BMI1: variants seen among roughly 807,000 people sequenced by gnomAD.
The protein encoded by BMI1 is polycomb complex protein BMI-1.
BMI1 carries 9 observed loss-of-function variants against 39.1 expected under a neutral mutation model. The ratio of observed to expected loss-of-function variants is 0.23; its 90% CI spans 0.14 to 0.40. The LOEUF is 0.40. BMI1 is among the 10% of genes least tolerant of loss of function. The pLI, the probability that BMI1 is intolerant of heterozygous loss-of-function variation, is 1.00. For missense variants in BMI1, 252 were observed against 390.8 expected, an observed-to-expected ratio of 0.64 and a Z score of 2.99; for synonymous variants, 131 against 127.9, an observed-to-expected ratio of 1.02 and a Z score of -0.16.
rs1452619506 is a variant in BMI1, at chr10:22,327,013, T to G, written c.209+27T>G. The G allele has an allele frequency of 1.9e-6, 3 of 1,606,060 alleles. No homozygotes were observed. The East Asian group carries it at 6.7e-5, about 36-fold the overall frequency. On this transcript the variant is annotated intron_variant, in intron 3 of 9. Transcript: ENST00000376663. ...TAGGAAACTGTTGAAATTCCTTGTT[T>G]GTAATTATTATTGGAGTTGTATAAT...
rs772060983 is a variant in BMI1, at chr10:22,326,919, G to A, written c.142G>A (p.Glu48Lys). 6.2e-7 allele frequency: 1 copy of A among 1,614,012 alleles called. No homozygotes were observed. The highest frequency in any genetic ancestry group is 8.5e-7 in the Non-Finnish European group (1 of 1,179,950). ...FCKTCIVRYLETSKYCPICDV... is the reference protein window; with the variant it reads ...FCKTCIVRYLKTSKYCPICDV... ...TAAAACGTGTATTGTTCGTTACCTG[G>A]AGACCAGCAAGTATTGTCCTATTTG... Residue 48 changes from glutamate (E) to lysine (K), a missense_variant, in exon 3 of 10, where the codon GAG becomes AAG. By Grantham distance (56) the Glu-to-Lys change is moderately conservative. Transcript: ENST00000376663.
chr10:22,329,203 A>G lies in BMI1; in HGVS notation c.652-10A>G, dbSNP rs1406917165. The G allele has an allele frequency of 6.2e-7, 1 of 1,610,212 alleles. No homozygotes were observed. The stretch of plus-strand genomic sequence containing the variant: ...AATTAAGAGTAATTTTTTTCCTTTT[A>G]ACTTTGTAGAATGGTCCACTTCCAT... On this transcript the variant is annotated splice_polypyrimidine_tract_variant and intron_variant, in intron 9 of 9. Transcript: ENST00000376663.
chr10:22,321,951 G>C (rs1260967210), intron 1 of BMI1, among the ~76,000 whole-genome samples: 1 of 144,838 alleles, frequency 6.9e-6, no homozygotes, highest in Non-Finnish European at 1.5e-5. Flanking sequence ...CGCCGGGACC[G>C]ACCCGCAGCC....
At chr10:22,326,173 C>T (rs1017777086) in intron 1 of BMI1, 3 of 379,532 alleles carry the variant, frequency 7.9e-6, no homozygotes, top group Non-Finnish European at 1.4e-5. Flanking sequence ...CGCTCAGCTC[C>T]CAGCCCCCAC....
chr10:22,327,840 A>G (rs1836193784), intron 5 of BMI1, 48 bp downstream of exon 5: 1 of 1,608,870 alleles, frequency 6.2e-7, no homozygotes. Flanking sequence ...GGGAGAGCTT[A>G]TCTAGGAATT....
In BMI1 at chr10:22,329,355, T is replaced by C; in HGVS notation, c.794T>C (p.Ile265Thr). The change falls in exon 10 of 10, where the codon ATT (isoleucine) becomes ACT (threonine). Residue 265 changes from isoleucine to threonine, a missense_variant. Coordinates refer to ENST00000376663, the MANE Select transcript of BMI1 (RefSeq NM_005180.9). ...AAGGCCAACAGCCCAGCAGGAGGTATTCCCTCCACCTCTTCTTGTTTGCCT... is the reference window on the plus strand; with the variant it reads ...AAGGCCAACAGCCCAGCAGGAGGTACTCCCTCCACCTCTTCTTGTTTGCCT... Reference protein sequence around the residue: ...SDKANSPAGGIPSTSSCLPSP... With the variant: ...SDKANSPAGGTPSTSSCLPSP... The C allele has an allele frequency of 1.2e-6, 2 of 1,614,118 alleles. No homozygotes were observed. The highest frequency in any genetic ancestry group is 1.7e-6 in the Non-Finnish European group (2 of 1,180,012).
intron 1 of BMI1, among the ~76,000 whole-genome samples, chr10:22,323,089 T>C (rs994381293): frequency 6.6e-6 from 1 of 152,224 alleles, no homozygotes; most frequent in Admixed American, 6.5e-5. Flanking sequence ...TCAACCTATA[T>C]TTTATAGGAA....
At chr10:22,328,784 A>G in intron 8 of BMI1, 86 bp downstream of exon 8, 2 of 1,372,722 alleles carry the variant, frequency 1.5e-6, no homozygotes, top group South Asian at 3.0e-5. Flanking sequence ...AACCCAAAAA[A>G]GCAATAGAAA....
In BMI1 at chr10:22,328,597, T is replaced by C. The variant is rs1211099046; in HGVS notation, c.472-3T>C. The stretch of plus-strand genomic sequence containing the variant: ...AAAGTTACTTTTCTAAATGTACTTT[T>C]AGGTGAATGATAAAAGATACTTACG... On this transcript the variant is annotated splice_polypyrimidine_tract_variant and splice_region_variant and intron_variant, in intron 7 of 9. Coordinates refer to ENST00000376663, the MANE Select transcript of BMI1 (RefSeq NM_005180.9). 1.3e-6 allele frequency: 2 copies of C among 1,589,302 alleles called. No individual in the cohort carries two copies. Among genetic ancestry groups the C allele is most frequent in the African/African-American group, 2.7e-5 (2 of 73,442 alleles).
In BMI1 at chr10:22,330,753, G is replaced by C. The variant is rs1836265738; in HGVS notation, c.*1211G>C. Reference sequence around the variant, plus strand: ...GCTTTTACAGTTAACAATGGAATATGCCTTCTCTGCTATGTCTGAAAATAG... The same window carrying C: ...GCTTTTACAGTTAACAATGGAATATCCCTTCTCTGCTATGTCTGAAAATAG... On this transcript the variant is annotated 3_prime_UTR_variant, in exon 10 of 10. Coordinates refer to ENST00000376663, the MANE Select transcript of BMI1 (RefSeq NM_005180.9). 6.6e-6 allele frequency: 1 copy of C among 152,508 alleles called. No individual in the cohort carries two copies. Among genetic ancestry groups the C allele is most frequent in the Non-Finnish European group, 1.5e-5 (1 of 67,994 alleles). The allele number at this position is 152,508 out of a possible 1,614,324, so 9.4% of individuals were successfully genotyped here. A position where few individuals can be genotyped will look rare whatever the true frequency, so the allele number is the denominator to read the frequency against.
chr10:22,328,071 G>A lies in BMI1; in HGVS notation c.425+13G>A, dbSNP rs374753106. 6.3e-7 allele frequency: 1 copy of A among 1,595,634 alleles called. No individual in the cohort carries two copies. Among genetic ancestry groups the A allele is most frequent in the Non-Finnish European group, 8.5e-7 (1 of 1,174,848 alleles). ...TTGACCAGAACAGGTAAAATCTTTA[G>A]GCAATTTATTTTATGCTAATGTTTT... On this transcript the variant is annotated intron_variant, in intron 6 of 9. Transcript: ENST00000376663.
In BMI1 at chr10:22,327,021, T is replaced by G. The variant is rs374783066; in HGVS notation, c.209+35T>G. 7 of 1,603,724 alleles carry G rather than the reference T, an allele frequency of 4.4e-6. No individual in the cohort carries two copies. In the South Asian group the frequency reaches 7.8e-5, roughly 18 times the overall value. On this transcript the variant is annotated intron_variant, in intron 3 of 9. Transcript: ENST00000376663. ...TGTTGAAATTCCTTGTTTGTAATTA[T>G]TATTGGAGTTGTATAATTTACTGAA...
intron 3 of BMI1, 136 bp from the exon 4 acceptor site, chr10:22,327,457 TTA>T (rs1291129089): frequency 5.7e-6 from 5 of 881,270 alleles, no homozygotes; most frequent in Non-Finnish European, 8.3e-6. Flanking sequence ...CTCATAGTTT[TTA>T]TCTTATCAAT....
rs1456471046 is a variant in BMI1 at position 22,330,225 on chromosome 10, G to T, written c.*683G>T. The stretch of plus-strand genomic sequence containing the variant: ...AGAATCAGATGGCATTATGCTTGTT[G>T]TACAATGCCATATTGGTATATGACA... On this transcript the variant is annotated 3_prime_UTR_variant, in exon 10 of 10. Transcript: ENST00000376663. The T allele has an allele frequency of 2.0e-5, 3 of 152,610 alleles. No individual in the cohort carries two copies. The highest frequency in any genetic ancestry group is 7.2e-5 in the African/African-American group (3 of 41,424). The allele number at this position is 152,610 out of a possible 1,614,324, so 9.5% of individuals were successfully genotyped here.
In BMI1 at chr10:22,330,671, A is replaced by AT. The variant is rs1836264021; in HGVS notation, c.*1133dup. On this transcript the variant is annotated 3_prime_UTR_variant, in exon 10 of 10. Transcript: ENST00000376663. ...AACCAGCAGGTTGCTAAAAGAAGGC[A>AT]TTTTATCTAAAGTTATTTTAATAGG... 1 of 152,298 alleles carries AT rather than the reference A, an allele frequency of 6.6e-6. No homozygotes were observed. Among genetic ancestry groups the AT allele is most frequent in the Non-Finnish European group, 1.5e-5 (1 of 68,016 alleles). 9.4% of individuals were successfully genotyped at this position (152,298 alleles called of 1,614,324 possible).
At chr10:22,327,876 A>T in intron 5 of BMI1, 74 bp from the exon 6 acceptor site, 1 of 1,592,164 alleles carries the variant, frequency 6.3e-7, no homozygotes, top group Non-Finnish European at 8.5e-7. Flanking sequence ...TGACTTTACC[A>T]CTTCCATCCT....
chr10:22,327,827 G>A, intron 5 of BMI1, 35 bp downstream of exon 5: 1 of 1,612,346 alleles, frequency 6.2e-7, no homozygotes. Context: ...CATTTTATAT[G>A]GGGGGAGAGC....
chr10:22,327,526 T>C, intron 3 of BMI1, 69 bp from the exon 4 acceptor site: 1 of 1,434,528 alleles, frequency 7.0e-7, no homozygotes. Context: ...AAGAAGACTA[T>C]AGAAACTTAT....
In BMI1 at chr10:22,321,122, T is replaced by C. The variant is rs1230840716; in HGVS notation, c.-594T>C. On this transcript the variant is annotated 5_prime_UTR_variant, in exon 1 of 10. Coordinates refer to ENST00000376663, the MANE Select transcript of BMI1 (RefSeq NM_005180.9). ...TCAGTTTCCACTCTGCCTTCAGCGG[T>C]GCATTTTTTTCCACCCTCCCCTCCC... 6.9e-6 allele frequency: 1 copy of C among 145,880 alleles called. No individual in the cohort carries two copies. The highest frequency in any genetic ancestry group is 1.5e-5 in the Non-Finnish European group (1 of 66,318). The allele number at this position is 145,880 out of a possible 1,614,324, so 9.0% of individuals were successfully genotyped here.
Sources: allele counts gnomAD v4.1 joint callset (sites outside exome capture counted in the v4.1 genomes callset), GRCh38; gene constraint gnomAD v4.1.1; transcripts MANE v1.5; gene names NCBI Gene and HGNC (gene_info 2026-07-23, HGNC 2026-07-21).